Variants in DNAH11 observed in about 807,000 individuals in gnomAD.
DNAH11 encodes dynein axonemal heavy chain 11, also known as axonemal beta dynein heavy chain 11.
A neutral mutation model predicts 526.0 loss-of-function variants in DNAH11; 442 were observed. That is an observed-to-expected ratio of 0.84 (90% CI 0.78 to 0.91). DNAH11 has a LOEUF of 0.91. Ranked by LOEUF, DNAH11 falls within the 40% of genes least tolerant of loss-of-function variation. DNAH11 has a pLI of 0.00. For synonymous variants in DNAH11, 2,461 were observed against 1,935.9 expected (o/e 1.27, Z -7.12); for missense variants, 6,989 against 5,448.7 (o/e 1.28, Z -8.90).
chr7:21,671,023 T>C (rs1782622280), intron 30 of DNAH11, among the ~76,000 whole-genome samples: 1 of 152,156 alleles, frequency 6.6e-6, no homozygotes, highest in African/African-American at 2.4e-5. Flanking sequence ...GGTATACTCC[T>C]TAGAAGGAGT....
chr7:21,782,033 G>A (rs576912395), intron 57 of DNAH11, among the ~76,000 whole-genome samples: 7 of 152,128 alleles, frequency 4.6e-5, no homozygotes, highest in Non-Finnish European at 1.0e-4. Context: ...ACCTTGTAAA[G>A]GCCCTGTCTC....
chr7:21,741,024 G>A (rs1398243624), intron 48 of DNAH11, among the ~76,000 whole-genome samples: 3 of 152,086 alleles, frequency 2.0e-5, no homozygotes, highest in East Asian at 3.9e-4. Flanking sequence ...ATCTTCTTCG[G>A]AGAAACGTCT....
At chr7:21,875,949 T>G (rs565895245) in intron 74 of DNAH11, among the ~76,000 whole-genome samples, 155 of 142,958 alleles carry the variant, frequency 1.1e-3, no homozygotes, top group African/African-American at 4.0e-3. Flanking sequence ...AGTGGTACGA[T>G]CTCGGCTCAC....
At chr7:21,546,096 C>T (rs1782794228) in intron 2 of DNAH11, among the ~76,000 whole-genome samples, 1 of 152,206 alleles carries the variant, frequency 6.6e-6, no homozygotes, top group Admixed American at 6.5e-5. Context: ...CCTCTGTAAT[C>T]AGTGTAGTCC....
chr7:21,710,478 A>G, intron 40 of DNAH11, 75 bp from the exon 41 acceptor site: 1 of 1,377,130 alleles, frequency 7.3e-7, no homozygotes, highest in Non-Finnish European at 9.9e-7. Flanking sequence ...TTATTTAGTT[A>G]ATAAAAGAGC....
At chr7:21,864,192 A>G (rs1783178842) in intron 69 of DNAH11, among the ~76,000 whole-genome samples, 1 of 152,236 alleles carries the variant, frequency 6.6e-6, no homozygotes, top group African/African-American at 2.4e-5. Context: ...ATCCATTGTC[A>G]CTGGAGGCTT....
chr7:21,868,606 A>G (rs974279076), intron 72 of DNAH11, among the ~76,000 whole-genome samples: 8 of 152,238 alleles, frequency 5.3e-5, no homozygotes, highest in African/African-American at 1.7e-4. Context: ...CCTGCCATCT[A>G]TCAAAATGTC....
At chr7:21,573,308 A>G (rs140592223) in intron 8 of DNAH11, among the ~76,000 whole-genome samples, 133 of 152,268 alleles carry the variant, frequency 8.7e-4, no homozygotes, top group Admixed American at 1.1e-3. Flanking sequence ...TTTTGCAGAT[A>G]AGGTGGGCAG....
At chr7:21,566,823 A>T (rs187755013) in intron 6 of DNAH11, among the ~76,000 whole-genome samples, 1 of 152,184 alleles carries the variant, frequency 6.6e-6, no homozygotes, top group African/African-American at 2.4e-5. Flanking sequence ...TTATCACTCT[A>T]TTATTAAAGC....
intron 2 of DNAH11, among the ~76,000 whole-genome samples, chr7:21,551,333 G>A (rs1783014540): frequency 6.6e-6 from 1 of 152,188 alleles, no homozygotes; most frequent in African/African-American, 2.4e-5. Context: ...GTTCTATAGT[G>A]TTCCCTTTTT....
chr7:21,846,864 T>C (rs1029353811), intron 66 of DNAH11, among the ~76,000 whole-genome samples: 4 of 152,166 alleles, frequency 2.6e-5, no homozygotes, highest in Admixed American at 6.5e-5. Flanking sequence ...TTATTAATTA[T>C]TGAGTTAATT....
Position 21,581,677 on chromosome 7 carries a change from C to T in DNAH11, c.1594-228C>T, listed in dbSNP as rs564371702. Among the ~76,000 whole-genome samples, 393 of 152,290 alleles carry T rather than the reference C, an allele frequency of 2.6e-3. 4 individuals are homozygous for T. The highest frequency in any genetic ancestry group is 2.9e-3 in the East Asian group (15 of 5,186). On this transcript the variant is annotated intron_variant, in intron 8 of 81. Coordinates refer to ENST00000409508, the MANE Select transcript of DNAH11 (RefSeq NM_001277115.2). Reference sequence around the variant, plus strand: ...GGGCCACTGAAAAGAATCGGGAAAGCATAGGGGAACAGTGCTAAGCTTTCA... The same window carrying T: ...GGGCCACTGAAAAGAATCGGGAAAGTATAGGGGAACAGTGCTAAGCTTTCA...
chr7:21,819,647 C>A (rs1789968336), intron 65 of DNAH11, among the ~76,000 whole-genome samples: 1 of 152,122 alleles, frequency 6.6e-6, no homozygotes, highest in Non-Finnish European at 1.5e-5. Flanking sequence ...CTTTCAATAG[C>A]ACAATTTAGG....
chr7:21,684,441 G>A (rs1583591994), intron 32 of DNAH11, among the ~76,000 whole-genome samples: 1 of 152,168 alleles, frequency 6.6e-6, no homozygotes, highest in East Asian at 1.9e-4. Flanking sequence ...TAGTAAGTGG[G>A]GGTAAAGAGA....
chr7:21,873,209 G>A lies in DNAH11; in HGVS notation c.11968-65G>A, dbSNP rs570394216. 1.2e-4 allele frequency: 158 copies of A among 1,314,578 alleles called. 1 individual carries two copies. The African/African-American group carries it at 2.0e-3, about 16-fold the overall frequency. 81.4% of individuals were successfully genotyped at this position (1,314,578 alleles called of 1,614,324 possible). A position where few individuals can be genotyped will look rare whatever the true frequency, so the allele number is the denominator to read the frequency against. ...TCAGTGCAATTATATATAGGAAAATGTAATCTTATAATTCAAGTAATATGC... is the reference window on the plus strand; with the variant it reads ...TCAGTGCAATTATATATAGGAAAATATAATCTTATAATTCAAGTAATATGC... On this transcript the variant is annotated intron_variant, in intron 73 of 81. Coordinates refer to ENST00000409508, the MANE Select transcript of DNAH11 (RefSeq NM_001277115.2).
chr7:21,836,110 C>G (rs905004629), intron 65 of DNAH11, among the ~76,000 whole-genome samples: 1 of 151,970 alleles, frequency 6.6e-6, no homozygotes, highest in Non-Finnish European at 1.5e-5. Flanking sequence ...AGGACACAGA[C>G]AAATGGAAAG....
At chr7:21,746,377 G>A (rs1163864457) in intron 51 of DNAH11, among the ~76,000 whole-genome samples, 2 of 152,174 alleles carry the variant, frequency 1.3e-5, no homozygotes, top group Non-Finnish European at 2.9e-5. Context: ...GCTGAGGCAG[G>A]AGGATCACTT....
chr7:21,556,124 A>G (rs975102055), intron 2 of DNAH11, among the ~76,000 whole-genome samples: 6 of 152,154 alleles, frequency 3.9e-5, no homozygotes, highest in African/African-American at 7.2e-5. Flanking sequence ...AAGTTTCATT[A>G]TCCCCCTTAT....
chr7:21,859,399 C>T (rs2128029054), intron 68 of DNAH11, among the ~76,000 whole-genome samples: 1 of 152,322 alleles, frequency 6.6e-6, no homozygotes, highest in East Asian at 1.9e-4. Flanking sequence ...CAGGCATGAG[C>T]CACAAGCCCA....
Sources: gnomAD v4.1 joint callset for allele counts (sites outside exome capture counted in the v4.1 genomes callset) on GRCh38, gnomAD v4.1.1 for gene constraint, MANE v1.5 for transcripts, NCBI Gene and HGNC (gene_info 2026-07-23, HGNC 2026-07-21) for gene names.